RNF144B: variants seen among roughly 807,000 people sequenced by gnomAD.
RNF144B encodes E3 ubiquitin-protein ligase RNF144B.
Under a neutral mutation model 40.2 loss-of-function variants are expected in RNF144B, and 25 were observed. That is an observed-to-expected ratio of 0.62 (90% CI 0.45 to 0.87). The LOEUF (loss-of-function observed/expected upper bound fraction) is 0.87. RNF144B is among the 40% of genes least tolerant of loss of function. The pLI, the probability that RNF144B is intolerant of heterozygous loss-of-function variation, is 0.00. For missense variants in RNF144B, 365 were observed against 373.7 expected, an observed-to-expected ratio of 0.98 and a Z score of 0.19; for synonymous variants, 145 against 136.3, an observed-to-expected ratio of 1.06 and a Z score of -0.44.
At position 18,464,646 on chromosome 6, in the gene RNF144B, T is replaced by G. The variant is rs757191203; in HGVS notation, c.772-281T>G. On this transcript the variant is annotated intron_variant, in intron 7 of 7. Transcript: ENST00000259939. This position sits in a 1 kb window ranked among gnomAD's most constrained non-coding sequence, Gnocchi z 6.1. Reference sequence around the variant, plus strand: ...GGTTTGAAGATGGCCATTTTTTTGCTGTGTCTTCACATGGCATAGAGCCTA... The same window carrying G: ...GGTTTGAAGATGGCCATTTTTTTGCGGTGTCTTCACATGGCATAGAGCCTA... Among the ~76,000 whole-genome samples, 1 of 152,212 alleles carries G rather than the reference T, an allele frequency of 6.6e-6. No homozygotes were observed. Among genetic ancestry groups the G allele is most frequent in the Non-Finnish European group, 1.5e-5 (1 of 68,034 alleles).
intron 2 of RNF144B, among the ~76,000 whole-genome samples, chr6:18,426,388 T>A (rs964814796): frequency 6.6e-6 from 1 of 152,222 alleles, no homozygotes; most frequent in Admixed American, 6.5e-5. Context: ...TTAGTAGAAG[T>A]TGAAGAACCA....
intron 2 of RNF144B, among the ~76,000 whole-genome samples, chr6:18,404,079 G>C (rs1297408117): frequency 6.6e-6 from 1 of 152,130 alleles, no homozygotes; most frequent in African/African-American, 2.4e-5. Flanking sequence ...ATTTTGGTGG[G>C]GATAAACAAA....
rs1795106265 is a variant in RNF144B, at chr6:18,414,444, G to A, written c.166-13137G>A. Among the ~76,000 whole-genome samples, 1 of 152,054 alleles carries A rather than the reference G, an allele frequency of 6.6e-6. No homozygotes were observed. On this transcript the variant is annotated intron_variant, in intron 2 of 7. Transcript: ENST00000259939. This position sits in a 1 kb window ranked among gnomAD's most constrained non-coding sequence, Gnocchi z 4.9. Reference sequence around the variant, plus strand: ...AGCTATTTTGCATGCTGGCTTTGTAGGTTATATCCTGTAGGAAAAAATGTT... The same window carrying A: ...AGCTATTTTGCATGCTGGCTTTGTAAGTTATATCCTGTAGGAAAAAATGTT...
chr6:18,422,224 T>C lies in RNF144B; in HGVS notation c.166-5357T>C, dbSNP rs1758442728. On this transcript the variant is annotated intron_variant, in intron 2 of 7. Coordinates refer to ENST00000259939, the MANE Select transcript of RNF144B (RefSeq NM_182757.4). This position sits in a 1 kb window ranked among gnomAD's most constrained non-coding sequence, Gnocchi z 4.7. ...GGAGAGATACTATCTTGAATTGTGC[T>C]AATAATTTAACTCAACAGCATCTAA... Among the ~76,000 whole-genome samples the C allele has an allele frequency of 6.6e-6, 1 of 152,176 alleles. No individual in the cohort carries two copies. The highest frequency in any genetic ancestry group is 2.4e-5 in the African/African-American group (1 of 41,442).
intron 3 of RNF144B, among the ~76,000 whole-genome samples, chr6:18,430,106 TCTAGAC>T (rs1758660682): frequency 1.3e-5 from 2 of 152,166 alleles, no homozygotes; most frequent in African/African-American, 4.8e-5. Flanking sequence ...ATTCCTGTAT[TCTAGAC>T]CTGTGCTGAC....
At chr6:18,413,916 T>A (rs1348415464) in intron 2 of RNF144B, among the ~76,000 whole-genome samples, 1 of 152,188 alleles carries the variant, frequency 6.6e-6, no homozygotes, top group African/African-American at 2.4e-5. Flanking sequence ...CGGTTTATGG[T>A]ATTGATAACC....
intron 1 of RNF144B, among the ~76,000 whole-genome samples, chr6:18,390,428 G>A (rs1794556206): frequency 6.6e-6 from 1 of 152,158 alleles, no homozygotes; most frequent in African/African-American, 2.4e-5. Context: ...TATTAAATGA[G>A]TAAAAATGAC....
intron 2 of RNF144B, among the ~76,000 whole-genome samples, chr6:18,424,067 C>T (rs1184278384): frequency 6.6e-6 from 1 of 152,060 alleles, no homozygotes; most frequent in African/African-American, 2.4e-5. Context: ...AATTTGTTTT[C>T]ATTTTCTTTG....
At chr6:18,424,107 T>G (rs903093075) in intron 2 of RNF144B, among the ~76,000 whole-genome samples, 1 of 152,220 alleles carries the variant, frequency 6.6e-6, no homozygotes, top group African/African-American at 2.4e-5. Flanking sequence ...GATGCCAGTT[T>G]TCCCCCCTAG....
rs1005517975 is a variant in RNF144B at position 18,458,615 on chromosome 6, G to A, written c.537-992G>A. Reference sequence around the variant, plus strand: ...AAGAACTCAGAGGATAGGAGGATTTGCATTCTGACATTGTCACTCGGTATC... The same window carrying A: ...AAGAACTCAGAGGATAGGAGGATTTACATTCTGACATTGTCACTCGGTATC... On this transcript the variant is annotated intron_variant, in intron 5 of 7. Coordinates refer to ENST00000259939, the MANE Select transcript of RNF144B (RefSeq NM_182757.4). This position sits in a 1 kb window ranked among gnomAD's most constrained non-coding sequence, Gnocchi z 4.8. Among the ~76,000 whole-genome samples, 2 of 152,234 alleles carry A rather than the reference G, an allele frequency of 1.3e-5. No homozygotes were observed. The highest frequency in any genetic ancestry group is 4.1e-4 in the South Asian group (2 of 4,822).
chr6:18,407,295 A>T lies in RNF144B; in HGVS notation c.165+7596A>T, dbSNP rs187714529. On this transcript the variant is annotated intron_variant, in intron 2 of 7. Coordinates refer to ENST00000259939, the MANE Select transcript of RNF144B (RefSeq NM_182757.4). ...AGACTACTTAGAAGGCAAACGTAATAATCCAGGCCAGAGATGATAGTGGCC... is the reference window on the plus strand; with the variant it reads ...AGACTACTTAGAAGGCAAACGTAATTATCCAGGCCAGAGATGATAGTGGCC... Among the ~76,000 whole-genome samples, 3 of 152,312 alleles carry T rather than the reference A, an allele frequency of 2.0e-5. No individual in the cohort carries two copies. The East Asian group carries it at 5.8e-4, about 29-fold the overall frequency.
rs55816639 is a variant in RNF144B, at chr6:18,446,283, A to AC, written c.331+6542dup. 1.3e-5 allele frequency among the ~76,000 whole-genome samples: 2 copies of AC among 151,986 alleles called. No homozygotes were observed. Among genetic ancestry groups the AC allele is most frequent in the African/African-American group, 4.8e-5 (2 of 41,390 alleles). On this transcript the variant is annotated intron_variant, in intron 4 of 7. Transcript: ENST00000259939. The surrounding 1 kb of genome is among the most constrained non-coding windows in gnomAD (Gnocchi z 4.7). ...GAATTATAATACATTTCCTTAAAAA[A>AC]CCCAGCTCTTTTACCTTCCATTGGC...
rs1243293586 is a variant in RNF144B at position 18,443,453 on chromosome 6, G to T, written c.331+3709G>T. Among the ~76,000 whole-genome samples, 1 of 152,000 alleles carries T rather than the reference G, an allele frequency of 6.6e-6. No individual in the cohort carries two copies. Among genetic ancestry groups the T allele is most frequent in the East Asian group, 1.9e-4 (1 of 5,178 alleles). ...AATTTCATATTTTAGTAGAGATGGG[G>T]TTTCGACATGTTGGTCAGGCTGGTC... On this transcript the variant is annotated intron_variant, in intron 4 of 7. Transcript: ENST00000259939. The surrounding 1 kb of genome is among the most constrained non-coding windows in gnomAD (Gnocchi z 4.7).
rs889500836 is a variant in RNF144B at position 18,460,135 on chromosome 6, G to A, written c.681+384G>A. Among the ~76,000 whole-genome samples, 1 of 152,194 alleles carries A rather than the reference G, an allele frequency of 6.6e-6. No homozygotes were observed. Among genetic ancestry groups the A allele is most frequent in the African/African-American group, 2.4e-5 (1 of 41,452 alleles). On this transcript the variant is annotated intron_variant, in intron 6 of 7. Coordinates refer to ENST00000259939, the MANE Select transcript of RNF144B (RefSeq NM_182757.4). This position sits in a 1 kb window ranked among gnomAD's most constrained non-coding sequence, Gnocchi z 4.4. ...TCTTCACTTTGGAAGTCTGACATAG[G>A]TCTTGCTGGATTAAAATCAAGGTGT...
rs1327204270 is a variant in RNF144B at position 18,458,952 on chromosome 6, G to A, written c.537-655G>A. Among the ~76,000 whole-genome samples the A allele has an allele frequency of 6.6e-6, 1 of 152,112 alleles. No homozygotes were observed. The highest frequency in any genetic ancestry group is 2.4e-5 in the African/African-American group (1 of 41,410). On this transcript the variant is annotated intron_variant, in intron 5 of 7. Transcript: ENST00000259939. This position sits in a 1 kb window ranked among gnomAD's most constrained non-coding sequence, Gnocchi z 4.8. ...TAGGGATGCTCAACCTGTAATAACT[G>A]TCTTATGACAATATGAGGTTATTGT... is the stretch of plus-strand genomic sequence containing the variant.
At chr6:18,409,561 C>CTTT (rs70974741) in intron 2 of RNF144B, among the ~76,000 whole-genome samples, 3,519 of 93,240 alleles carry the variant, frequency 0.038, 402 homozygotes, top group African/African-American at 0.14. Context: ...CTTGCATAAC[C>CTTT]TTTTTTTTTT....
At chr6:18,430,668 T>G (rs1238327645) in intron 3 of RNF144B, among the ~76,000 whole-genome samples, 5 of 151,804 alleles carry the variant, frequency 3.3e-5, no homozygotes. Context: ...TTTTTTTTTT[T>G]TTTTAAAGAG....
At chr6:18,411,492 TATATA>T (rs1270673930) in intron 2 of RNF144B, among the ~76,000 whole-genome samples, 126 of 20,770 alleles carry the variant, frequency 6.1e-3, no homozygotes, top group Middle Eastern at 0.038. Flanking sequence ...TATATATATA[TATATA>T]TTTTTTTTTT....
In RNF144B at chr6:18,466,434, A is replaced by G. The variant is rs1448622545; in HGVS notation, c.*1367A>G. On this transcript the variant is annotated 3_prime_UTR_variant, in exon 8 of 8. Coordinates refer to ENST00000259939, the MANE Select transcript of RNF144B (RefSeq NM_182757.4). ...AAAACATGTAAGAAATAAAATAGAAATGCTTTATATAATTTAGTTTAAATT... is the reference window on the plus strand; with the variant it reads ...AAAACATGTAAGAAATAAAATAGAAGTGCTTTATATAATTTAGTTTAAATT... 6.6e-6 allele frequency: 1 copy of G among 152,012 alleles called. No homozygotes were observed. Among genetic ancestry groups the G allele is most frequent in the Non-Finnish European group, 1.5e-5 (1 of 68,042 alleles). 9.4% of individuals were successfully genotyped at this position (152,012 alleles called of 1,614,324 possible).
Sources: gnomAD v4.1 joint callset for allele counts (sites outside exome capture counted in the v4.1 genomes callset) on GRCh38, gnomAD v4.1.1 for gene constraint, Gnocchi (gnomAD v3.1) non-coding constraint, MANE v1.5 for transcripts, NCBI Gene and HGNC (gene_info 2026-07-23, HGNC 2026-07-21) for gene names.